Variants in SPTBN2 observed in about 807,000 individuals in gnomAD.
The protein encoded by SPTBN2 is spectrin beta chain, non-erythrocytic 2.
A neutral mutation model predicts 284.2 loss-of-function variants in SPTBN2; 107 were observed. That is an observed-to-expected ratio of 0.38 (90% CI 0.32 to 0.44). The LOEUF is 0.44. Among genes scored for constraint, SPTBN2 ranks in the 20% least tolerant of loss-of-function variants. SPTBN2 has a pLI of 1.00. For missense variants in SPTBN2, 2,569 were observed against 3,287.1 expected, an observed-to-expected ratio of 0.78 and a Z score of 5.34; for synonymous variants, 1,289 against 1,354.8, an observed-to-expected ratio of 0.95 and a Z score of 1.07.
Position 66,704,705 on chromosome 11 carries a change from C to T in SPTBN2, c.2571G>A (p.Met857Ile). 1.2e-6 allele frequency: 2 copies of T among 1,607,296 alleles called. No homozygotes were observed. Among genetic ancestry groups the T allele is most frequent in the Non-Finnish European group, 1.7e-6 (2 of 1,177,450 alleles). ...ALEAALALYT[M>I]LSEAGACGLW... Reference sequence around the variant, plus strand: ...GTCCACAGGCCCCGGCCTCGCTGAGCATGGTGTAGAGCGCCAGGGCTGCCT... The same window carrying T: ...GTCCACAGGCCCCGGCCTCGCTGAGTATGGTGTAGAGCGCCAGGGCTGCCT... Residue 857 changes from methionine (M) to isoleucine (I), a missense_variant, in exon 15 of 38, where the codon ATG (methionine) becomes ATA (isoleucine). By Grantham distance (10) the Met-to-Ile change is conservative (BLOSUM62 1). Transcript: ENST00000533211.
chr11:66,723,249 G>C (rs1942500624), intron 1 of SPTBN2, among the ~76,000 whole-genome samples: 1 of 151,802 alleles, frequency 6.6e-6, no homozygotes, highest in African/African-American at 2.4e-5. Flanking sequence ...GTGTAATTTA[G>C]CATTCAGCAG....
At chr11:66,704,102 A>G (rs781034261) in intron 15 of SPTBN2, among the ~76,000 whole-genome samples, 1 of 150,866 alleles carries the variant, frequency 6.6e-6, no homozygotes, top group Non-Finnish European at 1.5e-5. Flanking sequence ...CCTCCCGAGT[A>G]GCTGGGACTA....
rs1195128790 is a variant in SPTBN2 at position 66,700,624 on chromosome 11, G to A, written c.3475C>T (p.Arg1159Ter). The change falls in exon 17 of 38, where the codon CGA becomes TGA. Residue 1159 changes from arginine to a stop codon, truncating the protein, a stop_gained. Transcript: ENST00000533211. LOFTEE classifies it high-confidence loss of function. This position sits in a 1 kb window ranked among gnomAD's most constrained non-coding sequence, Gnocchi z 6.6. The stretch of plus-strand genomic sequence containing the variant: ...CGACCTTGCCGGCTCTCCCACATTC[G>A]GCCCAGCTCCTCCCAGCCAGTTCCC... The part of the protein sequence containing the change: ...ALGTGWEELG[R>*]MWESRQGRLA... 4 of 1,608,194 alleles carry A rather than the reference G, an allele frequency of 2.5e-6. No individual in the cohort carries two copies. Among genetic ancestry groups the A allele is most frequent in the Non-Finnish European group, 3.4e-6 (4 of 1,179,984 alleles).
chr11:66,692,884 G>A (rs569769405), intron 25 of SPTBN2, 86 bp downstream of exon 25: 5 of 1,596,062 alleles, frequency 3.1e-6, no homozygotes, highest in Middle Eastern at 2.0e-4. Context: ...CGTGCACACA[G>A]CACTGAAGGC....
Position 66,687,270 on chromosome 11 carries a change from A to C in SPTBN2, c.6723-103T>G. 3.2e-6 allele frequency: 5 copies of C among 1,567,714 alleles called. No homozygotes were observed. The highest frequency in any genetic ancestry group is 4.3e-6 in the Non-Finnish European group (5 of 1,156,754). On this transcript the variant is annotated intron_variant, in intron 35 of 37. Coordinates refer to ENST00000533211, the MANE Select transcript of SPTBN2 (RefSeq NM_006946.4). The surrounding 1 kb of genome is among the most constrained non-coding windows in gnomAD (Gnocchi z 5.2). ...CCAGTTCTGCTCCCATCTTTAGGCC[A>C]CGGTCTTCACACCCTCTGGTCCTCC... is the stretch of plus-strand genomic sequence containing the variant.
upstream of SPTBN2, among the ~76,000 whole-genome samples, chr11:66,731,677 C>G (rs1367179643): frequency 6.6e-6 from 1 of 152,208 alleles, no homozygotes; most frequent in Non-Finnish European, 1.5e-5. Context: ...AAAAAATAAT[C>G]AAGAAGCCCC....
At chr11:66,690,331 G>T in intron 27 of SPTBN2, 48 bp from the exon 28 acceptor site, 1 of 1,516,152 alleles carries the variant, frequency 6.6e-7, no homozygotes, top group Non-Finnish European at 8.8e-7. Context: ...ACTCCAAGGA[G>T]CCGCAGCCTG....
Position 66,704,688 on chromosome 11 carries a change from G to A in SPTBN2, c.2588C>T (p.Ala863Val). The part of the protein sequence containing the change: ...ALYTMLSEAG[A>V]CGLWVEEKEQ... The stretch of plus-strand genomic sequence containing the variant: ...CTTCTCCTCCACCCAGAGTCCACAG[G>A]CCCCGGCCTCGCTGAGCATGGTGTA... The change falls in exon 15 of 38, where the codon GCC (alanine) becomes GTC (valine). Residue 863 changes from alanine to valine, a missense_variant. Around this residue, in one of 6 missense-constraint regions of SPTBN2, gnomAD observed 1,012 missense variants for 1,248.9 expected, o/e 0.81. Transcript: ENST00000533211. The A allele has an allele frequency of 6.2e-7, 1 of 1,609,930 alleles. No homozygotes were observed. Among genetic ancestry groups the A allele is most frequent in the Non-Finnish European group, 8.5e-7 (1 of 1,178,660 alleles).
In SPTBN2 at chr11:66,685,568, G is replaced by A. The variant is rs1449089159; in HGVS notation, c.*303C>T. ...ACTCCCCACATGGCCTATGTTGAGGGTGCGGCACTGTCCACACCGTGGTGA... is the reference window on the plus strand; with the variant it reads ...ACTCCCCACATGGCCTATGTTGAGGATGCGGCACTGTCCACACCGTGGTGA... On this transcript the variant is annotated 3_prime_UTR_variant, in exon 38 of 38. Transcript: ENST00000533211. This position sits in a 1 kb window ranked among gnomAD's most constrained non-coding sequence, Gnocchi z 4.4. 2.4e-6 allele frequency: 1 copy of A among 413,536 alleles called. No individual in the cohort carries two copies. Among genetic ancestry groups the A allele is most frequent in the South Asian group, 2.1e-5 (1 of 48,056 alleles). The allele number at this position is 413,536 out of a possible 1,614,324, so 25.6% of individuals were successfully genotyped here. A position where few individuals can be genotyped will look rare whatever the true frequency, so the allele number is the denominator to read the frequency against.
At position 66,711,062 on chromosome 11, in the gene SPTBN2, CAGA is replaced by C; in HGVS notation, c.773-36_773-34del. ...AGAGGACCATTTGGGTCAGGCCTCC[CAGA>C]AGTTCATCCATAACTTGCATCACTT... is the stretch of plus-strand genomic sequence containing the variant. On this transcript the variant is annotated intron_variant, in intron 8 of 37. Transcript: ENST00000533211. 1.3e-6 allele frequency: 2 copies of C among 1,581,338 alleles called. 1 individual carries two copies.
chr11:66,705,371 G>A lies in SPTBN2; in HGVS notation c.1905C>T (p.Ala635=). 1 of 1,612,476 alleles carries A rather than the reference G, an allele frequency of 6.2e-7. No homozygotes were observed. The highest frequency in any genetic ancestry group is 8.5e-7 in the Non-Finnish European group (1 of 1,179,874). ...ALCELAAARR[A]RLEESRRLWR... The stretch of plus-strand genomic sequence containing the variant: ...AGAGCCGCCGTGATTCCTCCAGCCG[G>A]GCCCGCCGCGCCGCTGCCAACTCGC... The change falls in exon 15 of 38, where the codon GCC becomes GCT. Residue 635 remains alanine, a synonymous_variant. Coordinates refer to ENST00000533211, the MANE Select transcript of SPTBN2 (RefSeq NM_006946.4).
chr11:66,694,552 G>C (rs1270259394), intron 21 of SPTBN2, among the ~76,000 whole-genome samples, 189 bp from the exon 22 acceptor site: 1 of 152,174 alleles, frequency 6.6e-6, no homozygotes, highest in African/African-American at 2.4e-5. Context: ...CAAGGGCAGG[G>C]GTTGAAAAAA....
At position 66,693,258 on chromosome 11, in the gene SPTBN2, G is replaced by A. The variant is rs887943856; in HGVS notation, c.4782C>T (p.Tyr1594=). 1 of 1,614,142 alleles carries A rather than the reference G, an allele frequency of 6.2e-7. No individual in the cohort carries two copies. Among genetic ancestry groups the A allele is most frequent in the Non-Finnish European group, 8.5e-7 (1 of 1,180,036 alleles). The change falls in exon 24 of 38, where the codon TAC becomes TAT. Residue 1594 remains tyrosine, a synonymous_variant. Coordinates refer to ENST00000533211, the MANE Select transcript of SPTBN2 (RefSeq NM_006946.4). This position sits in a 1 kb window ranked among gnomAD's most constrained non-coding sequence, Gnocchi z 5.7. ...LEDALRAQQF[Y]RDAAEAEAWM... ...AGGCCTCCGCCTCGGCGGCATCGCG[G>A]TAGAACTGCTGGGCTCGCAGGGCAT...
intron 17 of SPTBN2, 47 bp from the exon 18 acceptor site, chr11:66,699,655 A>AC (rs770184573): frequency 1.2e-6 from 2 of 1,604,840 alleles, no homozygotes; most frequent in Admixed American, 1.7e-5. Flanking sequence ...AGCACAATTC[A>AC]CCCCCCTAGG....
intron 1 of SPTBN2, among the ~76,000 whole-genome samples, chr11:66,743,831 G>A (rs1942924422): frequency 6.6e-6 from 1 of 152,146 alleles, no homozygotes; most frequent in African/African-American, 2.4e-5. Flanking sequence ...GGAGATGCTT[G>A]GGGCTGGTTG....
Position 66,694,136 on chromosome 11 carries a change from C to T in SPTBN2, c.4503+3G>A, listed in dbSNP as rs1940754200. 7 of 1,604,892 alleles carry T rather than the reference C, an allele frequency of 4.4e-6. No homozygotes were observed. The highest frequency in any genetic ancestry group is 5.9e-6 in the Non-Finnish European group (7 of 1,179,992). On this transcript the variant is annotated splice_donor_region_variant and intron_variant, in intron 22 of 37. Transcript: ENST00000533211. ...CTTGCCGTCCTTGGCCCCAGTGACT[C>T]ACAATCTCATCTTCCACATCGCGGT...
intron 1 of SPTBN2, among the ~76,000 whole-genome samples, chr11:66,724,278 C>T (rs1942534657): frequency 2.0e-5 from 3 of 152,168 alleles, no homozygotes; most frequent in Non-Finnish European, 4.4e-5. Context: ...AAAAAATCAG[C>T]TGGGCATGGT....
chr11:66,731,432 A>G (rs1328113408), upstream of SPTBN2, among the ~76,000 whole-genome samples: 1 of 152,232 alleles, frequency 6.6e-6, no homozygotes. Flanking sequence ...TGCTGCTTAC[A>G]TTACCAAGAT....
Position 66,700,978 on chromosome 11 carries a change from T to A in SPTBN2, c.3121A>T (p.Arg1041Ter). 6.2e-7 allele frequency: 1 copy of A among 1,606,894 alleles called. No individual in the cohort carries two copies. Among genetic ancestry groups the A allele is most frequent in the Non-Finnish European group, 8.5e-7 (1 of 1,179,854 alleles). ...AQAVAINARL[R>*]EVQTGWEDLR... ...TCCTCCCAGCCGGTCTGCACCTCTCTCAGCCGGGCGTTGATGGCCACTGCC... is the reference window on the plus strand; with the variant it reads ...TCCTCCCAGCCGGTCTGCACCTCTCACAGCCGGGCGTTGATGGCCACTGCC... Residue 1041 changes from arginine to a stop codon, truncating the protein, a stop_gained, in exon 17 of 38, where the codon AGA becomes TGA. Coordinates refer to ENST00000533211, the MANE Select transcript of SPTBN2 (RefSeq NM_006946.4). LOFTEE classifies it high-confidence loss of function. This position sits in a 1 kb window ranked among gnomAD's most constrained non-coding sequence, Gnocchi z 6.6.
Sources: allele counts gnomAD v4.1 joint callset (sites outside exome capture counted in the v4.1 genomes callset), GRCh38; gene constraint gnomAD v4.1.1; regional missense constraint gnomAD v4.1.1; non-coding constraint Gnocchi (gnomAD v3.1); transcripts MANE v1.5; gene names NCBI Gene and HGNC (gene_info 2026-07-23, HGNC 2026-07-21).